Variants in ZFR2 observed in about 807,000 individuals in gnomAD.
ZFR2 encodes zinc finger RNA-binding protein 2.
In ZFR2, 104 loss-of-function variants were observed where a neutral mutation model predicts 105.7. That is an observed-to-expected ratio of 0.98 (90% CI 0.84 to 1.16). The LOEUF is 1.16. Among genes scored for constraint, ZFR2 ranks in the 50% most tolerant of loss-of-function variants. ZFR2 has a pLI of 0.00. For synonymous variants in ZFR2, 634 were observed against 597.7 expected, an observed-to-expected ratio of 1.06 and a Z score of -0.89; for missense variants, 1,425 against 1,355.5, an observed-to-expected ratio of 1.05 and a Z score of -0.80.
In ZFR2 at chr19:3,868,970, C is replaced by T. The variant is rs771649137; in HGVS notation, c.48G>A (p.Gln16=). The T allele has an allele frequency of 3.0e-6, 4 of 1,354,362 alleles. No homozygotes were observed. The highest frequency in any genetic ancestry group is 3.8e-6 in the Non-Finnish European group (4 of 1,043,566). 83.9% of individuals were successfully genotyped at this position (1,354,362 alleles called of 1,614,324 possible). The change falls in exon 1 of 19, where the codon CAG becomes CAA. Residue 16 remains glutamine (Q), a synonymous_variant. Transcript: ENST00000262961. ...YFDFAQGGGP[Q]YSAQPPTLPL... ...TGGCGCGGCGGGGCAGTTACCTGTA[C>T]TGCGGGCCGCCGCCCTGCGCGAAGT...
intron 1 of ZFR2, among the ~76,000 whole-genome samples, chr19:3,868,645 C>A (rs1310015352): frequency 6.8e-6 from 1 of 148,000 alleles, no homozygotes; most frequent in African/African-American, 2.6e-5. Context: ...CAGGGGCTGA[C>A]CCCCCCGACC....
At chr19:3,856,452 G>T (rs544537118) in intron 1 of ZFR2, among the ~76,000 whole-genome samples, 1 of 152,188 alleles carries the variant, frequency 6.6e-6, no homozygotes, top group Non-Finnish European at 1.5e-5. Context: ...AAAGTGCACG[G>T]TTCGGTGGCA....
At chr19:3,811,215 T>C in intron 15 of ZFR2, 57 bp downstream of exon 15, 2 of 1,464,882 alleles carry the variant, frequency 1.4e-6, no homozygotes, top group Non-Finnish European at 1.8e-6. Context: ...CTGGTGCCTC[T>C]GAGCTACGTT....
Position 3,821,333 on chromosome 19 carries a change from CG to C in ZFR2, c.1631+6del. ...AGGCCCCCTTGCCAAGACCCGCAGC[CG>C]GGCACCTCCTCTCCGCGTGCCAGCG... On this transcript the variant is annotated splice_donor_region_variant and intron_variant, in intron 10 of 18. Coordinates refer to ENST00000262961, the MANE Select transcript of ZFR2 (RefSeq NM_015174.2). The C allele has an allele frequency of 6.3e-7, 1 of 1,580,696 alleles. No individual in the cohort carries two copies.
rs753991072 is a variant in ZFR2 at position 3,819,050 on chromosome 19, C to T, written c.1926G>A (p.Lys642=). 1.2e-6 allele frequency: 2 copies of T among 1,612,292 alleles called. No homozygotes were observed. The highest frequency in any genetic ancestry group is 1.1e-5 in the South Asian group (1 of 90,958). The stretch of plus-strand genomic sequence containing the variant: ...GGAAGGGGATCTCCAATGACCTGCG[C>T]TTGTCACCCTCTTCCTCTCGGCGGC... ...DRGRREEEGD[K]RSSVAPQTRV... is the part of the protein sequence containing the mutation. Residue 642 remains lysine, a synonymous_variant, in exon 12 of 19, where the codon AAG becomes AAA. Transcript: ENST00000262961.
rs1187560164 is a variant in ZFR2 at position 3,825,307 on chromosome 19, G to A, written c.1136C>T (p.Pro379Leu). Reference sequence around the variant, plus strand: ...CGAGGCACACACGCTGGGGCCAGTGGGGGACGTGGGCTTGGCCTCTGCCCC... The same window carrying A: ...CGAGGCACACACGCTGGGGCCAGTGAGGGACGTGGGCTTGGCCTCTGCCCC... Reference protein sequence around the residue: ...PPGAEAKPTSPTGPSVCASSR... With the variant: ...PPGAEAKPTSLTGPSVCASSR... Residue 379 changes from proline to leucine, a missense_variant, in exon 7 of 19, where the codon CCC becomes CTC. By Grantham distance (98) the Pro-to-Leu change is moderately conservative. Coordinates refer to ENST00000262961, the MANE Select transcript of ZFR2 (RefSeq NM_015174.2). 3 of 1,581,444 alleles carry A rather than the reference G, an allele frequency of 1.9e-6. No homozygotes were observed. The highest frequency in any genetic ancestry group is 2.0e-4 in the Middle Eastern group (1 of 4,908).
At chr19:3,833,419 AC>A in intron 3 of ZFR2, 1 of 366,252 alleles carries the variant, frequency 2.7e-6, no homozygotes, top group Admixed American at 3.7e-5. Context: ...TACTAAAAAT[AC>A]AAAAAATTAG....
chr19:3,850,341 G>A (rs1395886142), intron 1 of ZFR2, among the ~76,000 whole-genome samples: 1 of 152,090 alleles, frequency 6.6e-6, no homozygotes, highest in East Asian at 1.9e-4. Context: ...AGGGTGAGGG[G>A]TGACGGGAGG....
rs186803307 is a variant in ZFR2 at position 3,814,749 on chromosome 19, T to C, written c.2104-791A>G. ...GTGCAGGAAATGTGAGATGCAATTA[T>C]TGAAGTCAGAGCATGTCACTCCCCT... On this transcript the variant is annotated intron_variant, in intron 13 of 18. Coordinates refer to ENST00000262961, the MANE Select transcript of ZFR2 (RefSeq NM_015174.2). 7.9e-5 allele frequency among the ~76,000 whole-genome samples: 12 copies of C among 152,316 alleles called. 1 individual carries two copies. Among genetic ancestry groups the C allele is most frequent in the Admixed American group, 2.6e-4 (4 of 15,300 alleles).
chr19:3,825,837 C>T (rs546929760), intron 6 of ZFR2, among the ~76,000 whole-genome samples: 20 of 152,250 alleles, frequency 1.3e-4, no homozygotes, highest in East Asian at 9.7e-4. Context: ...ACGTTCTGCA[C>T]GCACGTGTGC....
In ZFR2 at chr19:3,838,437, C is replaced by G. The variant is rs112471250; in HGVS notation, c.54-3454G>C. On this transcript the variant is annotated intron_variant, in intron 1 of 18. Transcript: ENST00000262961. The surrounding 1 kb of genome is among the most constrained non-coding windows in gnomAD (Gnocchi z 4.9). ...GCCAAAGAGAGGAAGGTGGAAGGTT[C>G]CATACGGGAGCTGGGGCAGAGCAGA... is the stretch of plus-strand genomic sequence containing the variant. 4.6e-3 allele frequency among the ~76,000 whole-genome samples: 704 copies of G among 152,292 alleles called. 4 individuals are homozygous for G. Among genetic ancestry groups the G allele is most frequent in the African/African-American group, 0.016 (684 of 41,558 alleles).
intron 5 of ZFR2, among the ~76,000 whole-genome samples, chr19:3,831,074 C>T (rs902834365): frequency 6.6e-6 from 1 of 152,102 alleles, no homozygotes; most frequent in African/African-American, 2.4e-5. Flanking sequence ...TTTGCACACA[C>T]ATATGCACAC....
intron 18 of ZFR2, among the ~76,000 whole-genome samples, chr19:3,806,540 G>A (rs1161103465): frequency 6.6e-6 from 1 of 152,214 alleles, no homozygotes; most frequent in Admixed American, 6.5e-5. Context: ...GATGACAGGC[G>A]TGAGCCACCC....
In ZFR2 at chr19:3,823,055, C is replaced by A. The variant is rs1356579096; in HGVS notation, c.1371+191G>T. 6.6e-6 allele frequency among the ~76,000 whole-genome samples: 1 copy of A among 152,202 alleles called. No individual in the cohort carries two copies. Among genetic ancestry groups the A allele is most frequent in the African/African-American group, 2.4e-5 (1 of 41,442 alleles). On this transcript the variant is annotated intron_variant, in intron 8 of 18. Transcript: ENST00000262961. This position sits in a 1 kb window ranked among gnomAD's most constrained non-coding sequence, Gnocchi z 5.4. Reference sequence around the variant, plus strand: ...GGCCATATTCATTTCCTGCTGATACCAAAATCCGGCACCCAAAGTGTCAAG... The same window carrying A: ...GGCCATATTCATTTCCTGCTGATACAAAAATCCGGCACCCAAAGTGTCAAG...
Position 3,858,128 on chromosome 19 carries a change from C to G in ZFR2, c.53+10837G>C, listed in dbSNP as rs1464474405. Among the ~76,000 whole-genome samples the G allele has an allele frequency of 6.6e-6, 1 of 152,142 alleles. No homozygotes were observed. The highest frequency in any genetic ancestry group is 2.4e-5 in the African/African-American group (1 of 41,432). ...AGCCCCACTGATCTCATTTTGTTCACACGGCCACCAAACTCAAGGGGACGT... is the reference window on the plus strand; with the variant it reads ...AGCCCCACTGATCTCATTTTGTTCAGACGGCCACCAAACTCAAGGGGACGT... On this transcript the variant is annotated intron_variant, in intron 1 of 18. Transcript: ENST00000262961. The surrounding 1 kb of genome is among the most constrained non-coding windows in gnomAD (Gnocchi z 4.3).
At chr19:3,832,812 AT>A (rs1270347310) in intron 3 of ZFR2, among the ~76,000 whole-genome samples, 1 of 150,468 alleles carries the variant, frequency 6.6e-6, no homozygotes, top group Non-Finnish European at 1.5e-5. Context: ...ATTTTTTTGC[AT>A]TTTTTGTAGA....
chr19:3,806,146 G>A (rs759366118), intron 18 of ZFR2, 21 bp from the exon 19 acceptor site: 1 of 1,409,474 alleles, frequency 7.1e-7, no homozygotes, highest in African/African-American at 1.5e-5. Context: ...CACACAGCCT[G>A]TCAGGACCCC....
chr19:3,834,933 G>A lies in ZFR2; in HGVS notation c.104C>T (p.Ala35Val), dbSNP rs1055407265. Reference protein sequence around the residue: ...PLPTVGASYTAQPTPGMDPAV... With the variant: ...PLPTVGASYTVQPTPGMDPAV... ...AGGGTCCATCCCAGGAGTGGGTTGTGCAGTATAGCTGGCCCCCACAGTGGG... is the reference window on the plus strand; with the variant it reads ...AGGGTCCATCCCAGGAGTGGGTTGTACAGTATAGCTGGCCCCCACAGTGGG... The change falls in exon 2 of 19, where the codon GCA becomes GTA. Residue 35 changes from alanine to valine, a missense_variant. By Grantham distance (64) the Ala-to-Val change is moderately conservative. Transcript: ENST00000262961. The surrounding 1 kb of genome is among the most constrained non-coding windows in gnomAD (Gnocchi z 5.3). The A allele has an allele frequency of 9.3e-6, 15 of 1,611,696 alleles. No individual in the cohort carries two copies. Among genetic ancestry groups the A allele is most frequent in the African/African-American group, 1.3e-5 (1 of 74,900 alleles).
At chr19:3,842,858 CA>C (rs2038148031) in intron 1 of ZFR2, among the ~76,000 whole-genome samples, 1 of 152,118 alleles carries the variant, frequency 6.6e-6, no homozygotes, top group African/African-American at 2.4e-5. Flanking sequence ...CTCCTGACTG[CA>C]GGTGCTCCAC....
Sources: gnomAD v4.1 joint callset for allele counts (sites outside exome capture counted in the v4.1 genomes callset) on GRCh38, gnomAD v4.1.1 for gene constraint, Gnocchi (gnomAD v3.1) non-coding constraint, MANE v1.5 for transcripts, NCBI Gene and HGNC (gene_info 2026-07-23, HGNC 2026-07-21) for gene names.